CRACR2B: variants seen among roughly 807,000 people sequenced by gnomAD.
The protein encoded by CRACR2B is calcium release activated channel regulator 2B, also known as EF-hand calcium-binding domain-containing protein 4A.
Under a neutral mutation model 46.0 loss-of-function variants are expected in CRACR2B, and 50 were observed. The ratio of observed to expected loss-of-function variants is 1.09; its 90% CI spans 0.87 to 1.38. The LOEUF is 1.38. Ranked by LOEUF, CRACR2B falls within the 40% of genes most tolerant of loss-of-function variation. CRACR2B has a pLI of 0.00. For synonymous variants in CRACR2B, 277 were observed against 239.6 expected (o/e 1.16, Z -1.44); for missense variants, 667 against 535.0 (o/e 1.25, Z -2.43).
At chr11:829,055 C>CCTCT in intron 2 of CRACR2B, 92 bp downstream of exon 2, 1 of 1,492,546 alleles carries the variant, frequency 6.7e-7, no homozygotes, top group Non-Finnish European at 9.2e-7. Context: ...GCTGCCGGTG[C>CCTCT]CTCTCGTCCT....
rs1285931488 is a variant in CRACR2B at position 829,975 on chromosome 11, C to T, written c.459-11C>T. ...TGCCAGCTCCAGCCTCAGTTCCCGCCCGCCCTCCAGGCAGCGGGCTGTGAG... is the reference window on the plus strand; with the variant it reads ...TGCCAGCTCCAGCCTCAGTTCCCGCTCGCCCTCCAGGCAGCGGGCTGTGAG... On this transcript the variant is annotated splice_polypyrimidine_tract_variant and intron_variant, in intron 3 of 8. Transcript: ENST00000525077. 8 of 1,559,650 alleles carry T rather than the reference C, an allele frequency of 5.1e-6. No individual in the cohort carries two copies. The highest frequency in any genetic ancestry group is 6.9e-6 in the Non-Finnish European group (8 of 1,159,226).
intron 4 of CRACR2B, 58 bp downstream of exon 4, chr11:830,190 C>T: frequency 8.0e-6 from 12 of 1,493,908 alleles, no homozygotes; most frequent in Non-Finnish European, 9.8e-6. Flanking sequence ...GCAGCAGAGG[C>T]GGTGCCAGGG....
rs771998411 is a variant in CRACR2B at position 830,106 on chromosome 11, C to T, written c.579C>T (p.Arg193=). Residue 193 remains arginine, a synonymous_variant, in exon 4 of 9, where the codon CGC becomes CGT. Transcript: ENST00000525077. ...SACLEEAARE[R]DGLEQALRRR... is the part of the protein sequence containing the mutation. ...GCCTGGAGGAGGCGGCCCGGGAGCG[C>T]GACGGCCTGGAGCAGGCGCTGCGGA... The T allele has an allele frequency of 1.9e-6, 3 of 1,539,450 alleles. No homozygotes were observed. The South Asian group carries it at 3.6e-5, about 18-fold the overall frequency.
rs1364287808 is a variant in CRACR2B at position 828,866 on chromosome 11, C to T, written c.180C>T (p.Asp60=). The T allele has an allele frequency of 1.2e-6, 2 of 1,610,896 alleles. No homozygotes were observed. Among genetic ancestry groups the T allele is most frequent in the Admixed American group, 1.7e-5 (1 of 59,910 alleles). The part of the protein sequence containing the change: ...TKHDLQGLQS[D]LPLTPEQLEA... ...TCCCCGACCAGGGTCTCCAGAGCGACCTGCCCCTCACGCCAGAGCAGCTGG... is the reference window on the plus strand; with the variant it reads ...TCCCCGACCAGGGTCTCCAGAGCGATCTGCCCCTCACGCCAGAGCAGCTGG... Residue 60 remains aspartate (D), a synonymous_variant, in exon 2 of 9, where the codon GAC becomes GAT. Transcript: ENST00000525077.
rs1460168634 is a variant in CRACR2B at position 828,761 on chromosome 11, C to T, written c.154C>T (p.His52Tyr). The change falls in exon 1 of 9, where the codon CAC becomes TAC. Residue 52 changes from histidine to tyrosine, a missense_variant. Transcript: ENST00000525077. ...DKEAKGFITK[H>Y]DLQGLQSDLP... The stretch of plus-strand genomic sequence containing the variant: ...GGAGGCTAAGGGCTTCATCACCAAG[C>T]ACGACCTGCAGGTGAGTCCCCCACC... 4 of 1,613,510 alleles carry T rather than the reference C, an allele frequency of 2.5e-6. No individual in the cohort carries two copies. The Admixed American group carries it at 6.7e-5, about 27-fold the overall frequency.
chr11:831,540 T>C lies in CRACR2B; in HGVS notation c.1031T>C (p.Leu344Pro). The change falls in exon 9 of 9, where the codon CTG becomes CCG. Residue 344 changes from leucine (L) to proline (P), a missense_variant. Leu to Pro is a moderately conservative substitution (Grantham distance 98). Transcript: ENST00000525077. ...TCGGACTCCTCCTTCCCTAGGGAGC[T>C]GAATACACGGCTGCGGGATGACAGG... ...LLRQLELLRELNTRLRDDRDA... is the reference protein window; with the variant it reads ...LLRQLELLREPNTRLRDDRDA... The C allele has an allele frequency of 1.3e-6, 2 of 1,591,788 alleles. No individual in the cohort carries two copies.
In CRACR2B at chr11:830,147, G is replaced by T. The variant is rs1336737740; in HGVS notation, c.605+15G>T. ...GCGCTGCGGAGGTGAGGGCCGGGGT[G>T]GGGTATGGGGGCCAATGGAGGGCCT... On this transcript the variant is annotated intron_variant, in intron 4 of 8. Transcript: ENST00000525077. 1.5e-5 allele frequency: 23 copies of T among 1,522,672 alleles called. No individual in the cohort carries two copies. The highest frequency in any genetic ancestry group is 2.0e-5 in the Non-Finnish European group (23 of 1,139,962). The allele number at this position is 1,522,672 out of a possible 1,614,324, so 94.3% of individuals were successfully genotyped here.
At position 830,072 on chromosome 11, in the gene CRACR2B, C is replaced by A. The variant is rs767950739; in HGVS notation, c.545C>A (p.Ala182Glu). The A allele has an allele frequency of 3.9e-6, 6 of 1,551,142 alleles. No homozygotes were observed. The South Asian group carries it at 7.0e-5, about 18-fold the overall frequency. ...TCTTTCGAGGATGTTCTGATACGCG[C>A]GTCGGCCTGCCTGGAGGAGGCGGCC... ...LGSFEDVLIR[A>E]SACLEEAARE... The change falls in exon 4 of 9, where the codon GCG becomes GAG. Residue 182 changes from alanine to glutamate, a missense_variant. Transcript: ENST00000525077.
chr11:831,511 A>G (rs1846442407), intron 8 of CRACR2B, 24 bp from the exon 9 acceptor site: 4 of 1,555,736 alleles, frequency 2.6e-6, no homozygotes, highest in Non-Finnish European at 3.5e-6. Context: ...AGACCCTCTC[A>G]GTGTCGGACT....
At chr11:830,503 G>C in intron 5 of CRACR2B, 118 bp from the exon 6 acceptor site, 1 of 1,538,976 alleles carries the variant, frequency 6.5e-7, no homozygotes, top group Non-Finnish European at 8.7e-7. Context: ...ACCCCCGTCC[G>C]GTCTTCTCCA....
rs778819886 is a variant in CRACR2B, at chr11:831,577, G to A, written c.1068G>A (p.Glu356=). 1 of 1,596,332 alleles carries A rather than the reference G, an allele frequency of 6.3e-7. No individual in the cohort carries two copies. Among genetic ancestry groups the A allele is most frequent in the South Asian group, 1.1e-5 (1 of 89,276 alleles). ...TRLRDDRDAC[E]ARRAGSSCRK... is the part of the protein sequence containing the mutation. ...TGCGGGATGACAGGGACGCCTGCGA[G>A]GCCAGGCGGGCGGGCAGCAGCTGCA... is the stretch of plus-strand genomic sequence containing the variant. The change falls in exon 9 of 9, where the codon GAG becomes GAA. Residue 356 remains glutamate (E), a synonymous_variant. Coordinates refer to ENST00000525077, the MANE Select transcript of CRACR2B (RefSeq NM_001286606.2).
At chr11:829,100 C>T (rs1374991404) in intron 2 of CRACR2B, 137 bp downstream of exon 2, 4 of 1,329,350 alleles carry the variant, frequency 3.0e-6, no homozygotes, top group Admixed American at 3.9e-5. Flanking sequence ...TCTGCACGCA[C>T]TCGCGCCTGG....
Position 829,506 on chromosome 11 carries a change from C to T in CRACR2B, c.424C>T (p.Leu142=), listed in dbSNP as rs1238400804. Residue 142 remains leucine, a synonymous_variant, in exon 3 of 9, where the codon CTG becomes TTG. Coordinates refer to ENST00000525077, the MANE Select transcript of CRACR2B (RefSeq NM_001286606.2). ...AGAGGAGGAGCGATTCCACACTGTG[C>T]TGGAGCAGCTGGGGGTGGCCCCGGT... ...EEEEERFHTV[L]EQLGVAPVLG... 1.2e-6 allele frequency: 2 copies of T among 1,601,898 alleles called. No individual in the cohort carries two copies. Among genetic ancestry groups the T allele is most frequent in the East Asian group, 4.5e-5 (2 of 44,484 alleles).
Position 828,560 on chromosome 11 carries a change from C to A in CRACR2B, c.-48C>A. The A allele has an allele frequency of 6.5e-7, 1 of 1,543,006 alleles. No homozygotes were observed. The highest frequency in any genetic ancestry group is 8.7e-7 in the Non-Finnish European group (1 of 1,153,804). On this transcript the variant is annotated 5_prime_UTR_variant, in exon 1 of 9. Transcript: ENST00000525077. ...CCCCTCCTGAATTTCTTCTGACCCT[C>A]CCTTGGCTTCACAGCACCTGAAGGC...
chr11:827,371 C>A, upstream of CRACR2B: 1 of 188,738 alleles, frequency 5.3e-6, no homozygotes, highest in Non-Finnish European at 9.9e-6. Context: ...GCCCGCCCGG[C>A]ACCCCCTCCG....
Position 831,239 on chromosome 11 carries a change from C to G in CRACR2B, c.969C>G (p.Val323=). 1 of 1,611,018 alleles carries G rather than the reference C, an allele frequency of 6.2e-7. No individual in the cohort carries two copies. The highest frequency in any genetic ancestry group is 8.5e-7 in the Non-Finnish European group (1 of 1,179,424). The change falls in exon 8 of 9, where the codon GTC becomes GTG. Residue 323 remains valine, a synonymous_variant. Coordinates refer to ENST00000525077, the MANE Select transcript of CRACR2B (RefSeq NM_001286606.2). ...QEQTQRDVVA[V]SRNMQKEKVS... is the part of the protein sequence containing the mutation. ...CCATCCACAGAGACGTGGTCGCCGT[C>G]TCCAGGAACATGCAGAAAGAGAAAG...
Position 828,783 on chromosome 11 carries a change from C to A in CRACR2B, c.165+11C>A. 1 of 1,612,902 alleles carries A rather than the reference C, an allele frequency of 6.2e-7. No individual in the cohort carries two copies. Among genetic ancestry groups the A allele is most frequent in the East Asian group, 2.2e-5 (1 of 44,890 alleles). On this transcript the variant is annotated intron_variant, in intron 1 of 8. Transcript: ENST00000525077. Reference sequence around the variant, plus strand: ...AAGCACGACCTGCAGGTGAGTCCCCCACCCCAAGAGACTGCTTCGGCCCTG... The same window carrying A: ...AAGCACGACCTGCAGGTGAGTCCCCAACCCCAAGAGACTGCTTCGGCCCTG...
At position 828,784 on chromosome 11, in the gene CRACR2B, A is replaced by G. The variant is rs28507876; in HGVS notation, c.165+12A>G. On this transcript the variant is annotated intron_variant, in intron 1 of 8. Coordinates refer to ENST00000525077, the MANE Select transcript of CRACR2B (RefSeq NM_001286606.2). The stretch of plus-strand genomic sequence containing the variant: ...AGCACGACCTGCAGGTGAGTCCCCC[A>G]CCCCAAGAGACTGCTTCGGCCCTGG... The G allele has an allele frequency of 0.77, 1,244,396 of 1,612,574 alleles. 485,355 individuals carry two copies. Among genetic ancestry groups the G allele is most frequent in the East Asian group, 0.94 (42,342 of 44,880 alleles).
chr11:829,326 A>T, intron 2 of CRACR2B, 34 bp from the exon 3 acceptor site: 9 of 1,572,536 alleles, frequency 5.7e-6, no homozygotes, highest in African/African-American at 1.4e-5. Flanking sequence ...GTGGCGACCC[A>T]CAGCCCTGGT....
Sources: allele counts gnomAD v4.1 joint callset, GRCh38; gene constraint gnomAD v4.1.1; transcripts MANE v1.5; gene names NCBI Gene and HGNC (gene_info 2026-07-23, HGNC 2026-07-21).